THSD7B: variants seen among roughly 807,000 people sequenced by gnomAD.
THSD7B encodes the protein thrombospondin type 1 domain containing 7B.
THSD7B carries 138 observed loss-of-function variants against 213.6 expected under a neutral mutation model. The ratio of observed to expected loss-of-function variants is 0.65; its 90% CI spans 0.56 to 0.74. The LOEUF (loss-of-function observed/expected upper bound fraction) is 0.74, where lower values mean the gene tolerates loss of function less well. Among genes scored for constraint, THSD7B ranks in the 30% least tolerant of loss-of-function variants. The pLI is 0.00. For missense variants in THSD7B, 1,931 were observed against 1,991.5 expected (o/e 0.97, Z 0.58); for synonymous variants, 742 against 687.0 (o/e 1.08, Z -1.25).
intron 2 of THSD7B, among the ~76,000 whole-genome samples, chr2:136,966,893 C>T (rs184016661): frequency 6.2e-4 from 94 of 152,254 alleles, no homozygotes; most frequent in African/African-American, 2.1e-3. Context: ...CTTTCTTTCA[C>T]GTAGAAAGTC....
At chr2:137,101,254 C>G (rs561782060) in intron 4 of THSD7B, among the ~76,000 whole-genome samples, 71 of 152,142 alleles carry the variant, frequency 4.7e-4, no homozygotes, top group African/African-American at 1.7e-3. Flanking sequence ...TCCAGGCAGG[C>G]TAGTCTCAAA....
At chr2:137,126,755 C>T (rs1269145219) in intron 5 of THSD7B, among the ~76,000 whole-genome samples, 2 of 152,184 alleles carry the variant, frequency 1.3e-5, no homozygotes, top group African/African-American at 2.4e-5. Context: ...AACAAGCCTT[C>T]CTTTCTAAGC....
intron 9 of THSD7B, among the ~76,000 whole-genome samples, chr2:137,235,157 C>A (rs1171716444): frequency 6.6e-6 from 1 of 152,034 alleles, no homozygotes; most frequent in Non-Finnish European, 1.5e-5. Context: ...ATGAGAACTC[C>A]TTTTATCTGA....
chr2:137,224,453 C>T (rs948479181), intron 7 of THSD7B, among the ~76,000 whole-genome samples: 1 of 152,076 alleles, frequency 6.6e-6, no homozygotes, highest in Non-Finnish European at 1.5e-5. Flanking sequence ...AGACACAGTG[C>T]CTTTATTAAT....
At chr2:137,138,267 G>T (rs1330117195) in intron 5 of THSD7B, among the ~76,000 whole-genome samples, 1 of 151,974 alleles carries the variant, frequency 6.6e-6, no homozygotes, top group Non-Finnish European at 1.5e-5. Context: ...GAAATCACTG[G>T]ATAATAGTTT....
chr2:137,293,063 A>G (rs1003512336), intron 12 of THSD7B, among the ~76,000 whole-genome samples: 1 of 152,082 alleles, frequency 6.6e-6, no homozygotes, highest in African/African-American at 2.4e-5. Context: ...TGAATATTAA[A>G]TTGAGTGGGC....
At chr2:137,425,189 GTAATC>G (rs1687025106) in intron 14 of THSD7B, among the ~76,000 whole-genome samples, 1 of 151,624 alleles carries the variant, frequency 6.6e-6, no homozygotes, top group South Asian at 2.1e-4. Context: ...GGTATTAAGA[GTAATC>G]TAGAGATGAT....
chr2:137,309,728 T>G (rs931201876), intron 12 of THSD7B, among the ~76,000 whole-genome samples: 1 of 152,046 alleles, frequency 6.6e-6, no homozygotes, highest in African/African-American at 2.4e-5. Context: ...ATTGTTCAAT[T>G]CCCACCTATG....
At chr2:137,382,968 G>T (rs573787625) in intron 12 of THSD7B, among the ~76,000 whole-genome samples, 4 of 152,300 alleles carry the variant, frequency 2.6e-5, no homozygotes, top group Non-Finnish European at 5.9e-5. Context: ...AGCAGGTGTG[G>T]ATATAGTAGC....
At chr2:137,457,593 T>A (rs1687787591) in intron 15 of THSD7B, among the ~76,000 whole-genome samples, 1 of 152,304 alleles carries the variant, frequency 6.6e-6, no homozygotes. Flanking sequence ...CATCTGTAAT[T>A]TTGCAAAACT....
chr2:137,336,995 T>A (rs1196522579), intron 12 of THSD7B, among the ~76,000 whole-genome samples: 1 of 151,908 alleles, frequency 6.6e-6, no homozygotes, highest in African/African-American at 2.4e-5. Context: ...TACTGATTCC[T>A]TGTATGCCAC....
intron 3 of THSD7B, among the ~76,000 whole-genome samples, chr2:137,080,370 T>G (rs1205747685): frequency 2.2e-5 from 2 of 89,474 alleles, no homozygotes; most frequent in Non-Finnish European, 4.7e-5. Context: ...CCCAGCTGTT[T>G]TTTTTTTTTT....
At chr2:136,832,510 A>C (rs1162875270) in intron 1 of THSD7B, among the ~76,000 whole-genome samples, 1 of 152,156 alleles carries the variant, frequency 6.6e-6, no homozygotes, top group Non-Finnish European at 1.5e-5. Context: ...AAGCCTATCT[A>C]CTTTACTAAA....
At chr2:137,398,482 C>T (rs1318696377) in intron 12 of THSD7B, among the ~76,000 whole-genome samples, 1 of 152,104 alleles carries the variant, frequency 6.6e-6, no homozygotes, top group South Asian at 2.1e-4. Context: ...GCTCGAGGGT[C>T]AGGGGTCAGG....
intron 15 of THSD7B, among the ~76,000 whole-genome samples, chr2:137,460,216 A>G (rs1406012745): frequency 6.6e-6 from 1 of 152,116 alleles, no homozygotes; most frequent in East Asian, 1.9e-4. Flanking sequence ...TCTCTTTCCA[A>G]ATTGAACTTT....
At chr2:137,526,419 GTTGT>G (rs547085260) in intron 15 of THSD7B, among the ~76,000 whole-genome samples, 4,909 of 148,642 alleles carry the variant, frequency 0.033, 128 homozygotes, top group Non-Finnish European at 0.046. Flanking sequence ...TGTTGTTGTT[GTTGT>G]TTGTTTGTTT....
chr2:137,430,260 T>G (rs1408000857), intron 14 of THSD7B, among the ~76,000 whole-genome samples: 2 of 152,132 alleles, frequency 1.3e-5, no homozygotes, highest in Non-Finnish European at 2.9e-5. Context: ...AAAAATTTAT[T>G]TTAATTTAAA....
chr2:137,368,520 T>C (rs1685471453), intron 12 of THSD7B, among the ~76,000 whole-genome samples: 1 of 152,156 alleles, frequency 6.6e-6, no homozygotes, highest in South Asian at 2.1e-4. Flanking sequence ...AAAGATCATG[T>C]ATCAATGCAG....
intron 2 of THSD7B, among the ~76,000 whole-genome samples, chr2:136,951,934 A>G (rs1002287042): frequency 1.3e-5 from 2 of 152,082 alleles, no homozygotes; most frequent in East Asian, 1.9e-4. Context: ...CAGTGGTGCA[A>G]TCTCAGCTCA....
Sources: allele counts gnomAD v4.1 joint callset (sites outside exome capture counted in the v4.1 genomes callset), GRCh38; gene constraint gnomAD v4.1.1; transcripts MANE v1.5; gene names NCBI Gene and HGNC (gene_info 2026-07-23, HGNC 2026-07-21).